ITK: variants seen among roughly 807,000 people sequenced by gnomAD.
The protein encoded by ITK is IL2 inducible T cell kinase.
ITK carries 45 observed loss-of-function variants against 87.6 expected under a neutral mutation model. The ratio of observed to expected loss-of-function variants is 0.51; its 90% confidence interval spans 0.40 to 0.66. ITK has a LOEUF of 0.66. ITK is among the 30% of genes least tolerant of loss of function. ITK has a pLI of 0.00. For missense variants in ITK, 605 were observed against 766.3 expected (o/e 0.79, Z 2.48); for synonymous variants, 303 against 273.6 (o/e 1.11, Z -1.06).
chr5:157,228,227 G>T, intron 6 of ITK, 69 bp from the exon 7 acceptor site: 1 of 944,474 alleles, frequency 1.1e-6, no homozygotes. Flanking sequence ...ACTTTTAATG[G>T]ATTAAACCTA....
At chr5:157,239,408 C>G (rs1423748199) in intron 9 of ITK, among the ~76,000 whole-genome samples, 1 of 152,194 alleles carries the variant, frequency 6.6e-6, no homozygotes, top group African/African-American at 2.4e-5. Context: ...TCATTAGAGA[C>G]TCAGTACCCA....
At chr5:157,202,895 C>T (rs940409495) in intron 1 of ITK, among the ~76,000 whole-genome samples, 9 of 152,158 alleles carry the variant, frequency 5.9e-5, no homozygotes, top group African/African-American at 2.2e-4. Flanking sequence ...GAATTTTTAT[C>T]CCTGTTCACA....
In ITK at chr5:157,253,529, C is replaced by T; in HGVS notation, c.*851C>T. 4.4e-6 allele frequency: 1 copy of T among 226,712 alleles called. No individual in the cohort carries two copies. Among genetic ancestry groups the T allele is most frequent in the South Asian group, 1.8e-4 (1 of 5,466 alleles). 14.0% of individuals were successfully genotyped at this position (226,712 alleles called of 1,614,324 possible). ...CCAAGCTGTGCAGGTGACTATGCCT[C>T]CTCTTCTGCACAGAATGCTTCCACC... On this transcript the variant is annotated 3_prime_UTR_variant, in exon 17 of 17. Transcript: ENST00000422843.
intron 8 of ITK, 123 bp from the exon 9 acceptor site, chr5:157,237,985 GA>G: frequency 1.4e-6 from 1 of 730,972 alleles, no homozygotes; most frequent in Non-Finnish European, 2.5e-6. Flanking sequence ...CATTCTTACT[GA>G]AATCTGCTCT....
chr5:157,235,119 A>T (rs1754751497), intron 8 of ITK, among the ~76,000 whole-genome samples: 1 of 152,212 alleles, frequency 6.6e-6, no homozygotes, highest in South Asian at 2.1e-4. Flanking sequence ...GAATGAATGA[A>T]TGAATACACT....
intron 6 of ITK, among the ~76,000 whole-genome samples, chr5:157,225,715 A>T (rs1754518005): frequency 6.6e-6 from 1 of 152,162 alleles, no homozygotes; most frequent in Non-Finnish European, 1.5e-5. Context: ...TTTCTAGTTG[A>T]TTCATGAAGA....
chr5:157,231,885 T>C (rs925999235), intron 7 of ITK, among the ~76,000 whole-genome samples: 3 of 152,236 alleles, frequency 2.0e-5, no homozygotes, highest in African/African-American at 7.2e-5. Context: ...ACTTTCAAAC[T>C]GGTATTACAA....
At position 157,254,016 on chromosome 5, in the gene ITK, G is replaced by T. The variant is rs1220379651; in HGVS notation, c.*1338G>T. 2 of 225,498 alleles carry T rather than the reference G, an allele frequency of 8.9e-6. No homozygotes were observed. Among genetic ancestry groups the T allele is most frequent in the African/African-American group, 4.5e-5 (2 of 44,874 alleles). The allele number at this position is 225,498 out of a possible 1,614,324, so 14.0% of individuals were successfully genotyped here. On this transcript the variant is annotated 3_prime_UTR_variant, in exon 17 of 17. Transcript: ENST00000422843. ...GAGGCTTTAAAAAGCCAAGACATCT[G>T]CCCAAAGTGATGGAACTAGAAAGTC...
At chr5:157,185,634 C>T (rs931247833) in intron 1 of ITK, among the ~76,000 whole-genome samples, 1 of 151,480 alleles carries the variant, frequency 6.6e-6, no homozygotes, top group African/African-American at 2.4e-5. Context: ...TCACTTGAGC[C>T]CAGGAATTTG....
chr5:157,192,980 T>C (rs892387609), intron 1 of ITK, among the ~76,000 whole-genome samples: 1 of 152,098 alleles, frequency 6.6e-6, no homozygotes, highest in Admixed American at 6.6e-5. Flanking sequence ...CTTTGAGAGG[T>C]TGGCATTACA....
In ITK at chr5:157,241,675, T is replaced by G; in HGVS notation, c.1015T>G (p.Cys339Gly). The change falls in exon 11 of 17, where the codon TGT (cysteine) becomes GGT (glycine). Residue 339 changes from cysteine to glycine, a missense_variant. By Grantham distance (159) the Cys-to-Gly change is radical (BLOSUM62 -3). Coordinates refer to ENST00000422843, the MANE Select transcript of ITK (RefSeq NM_005546.4). ...GGTGACTCGACTCCGGTATCCAGTT[T>G]GTTTTGGGAGGCAGAAAGCCCCAGT... ...GLVTRLRYPVCFGRQKAPVTA... is the reference protein window; with the variant it reads ...GLVTRLRYPVGFGRQKAPVTA... 6.2e-7 allele frequency: 1 copy of G among 1,614,042 alleles called. No individual in the cohort carries two copies. Among genetic ancestry groups the G allele is most frequent in the Non-Finnish European group, 8.5e-7 (1 of 1,179,950 alleles).
chr5:157,217,185 G>C (rs1381466251), intron 4 of ITK, among the ~76,000 whole-genome samples: 7 of 152,010 alleles, frequency 4.6e-5, no homozygotes, highest in Admixed American at 4.6e-4. Flanking sequence ...TGAGAGGAAG[G>C]AGAGAGAGAA....
In ITK at chr5:157,238,200, C is replaced by A; in HGVS notation, c.851+9C>A. ...ACCAAGGCTGTTGTAAGGTATGGAG[C>A]TAACTCTGCTCAGCAAAGTGGAGAG... On this transcript the variant is annotated intron_variant, in intron 9 of 16. Coordinates refer to ENST00000422843, the MANE Select transcript of ITK (RefSeq NM_005546.4). 9 of 1,602,570 alleles carry A rather than the reference C, an allele frequency of 5.6e-6. No homozygotes were observed. Among genetic ancestry groups the A allele is most frequent in the Non-Finnish European group, 6.8e-6 (8 of 1,169,490 alleles).
In ITK at chr5:157,254,849, C is replaced by T. The variant is rs755449028; in HGVS notation, c.*2171C>T. On this transcript the variant is annotated 3_prime_UTR_variant, in exon 17 of 17. Coordinates refer to ENST00000422843, the MANE Select transcript of ITK (RefSeq NM_005546.4). The stretch of plus-strand genomic sequence containing the variant: ...CAGATTCATCTAATCCTCAACTGTA[C>T]ATGTGTACATTCTTCACCTCCTGGT... 3 of 216,548 alleles carry T rather than the reference C, an allele frequency of 1.4e-5. No individual in the cohort carries two copies. The highest frequency in any genetic ancestry group is 2.8e-5 in the Non-Finnish European group (3 of 107,568). The allele number at this position is 216,548 out of a possible 1,614,324, so 13.4% of individuals were successfully genotyped here.
At position 157,187,001 on chromosome 5, in the gene ITK, A is replaced by T. The variant is rs562977016; in HGVS notation, c.138+5886A>T. On this transcript the variant is annotated intron_variant, in intron 1 of 16. Coordinates refer to ENST00000422843, the MANE Select transcript of ITK (RefSeq NM_005546.4). ...GATGGACACCAGCAGAATCTAACACATGGTCTCGTCTGTCTCAGCTCATGT... is the reference window on the plus strand; with the variant it reads ...GATGGACACCAGCAGAATCTAACACTTGGTCTCGTCTGTCTCAGCTCATGT... Among the ~76,000 whole-genome samples, 6 of 152,126 alleles carry T rather than the reference A, an allele frequency of 3.9e-5. No homozygotes were observed. In the South Asian group the frequency reaches 1.2e-3, roughly 31 times the overall value.
At chr5:157,192,553 T>C (rs1753773510) in intron 1 of ITK, among the ~76,000 whole-genome samples, 7 of 152,266 alleles carry the variant, frequency 4.6e-5, no homozygotes, top group Admixed American at 3.3e-4. Flanking sequence ...AATTCTTTAC[T>C]CTCTCTGGGA....
rs909127502 is a variant in ITK, at chr5:157,181,049, G to A, written c.72G>A (p.Ser24=). 1.1e-5 allele frequency: 18 copies of A among 1,613,854 alleles called. No homozygotes were observed. The highest frequency in any genetic ancestry group is 1.4e-5 in the Non-Finnish European group (17 of 1,179,886). Residue 24 remains serine, a synonymous_variant, in exon 1 of 17, where the codon TCG becomes TCA. Transcript: ENST00000422843. Reference sequence around the variant, plus strand: ...AACAAAAGAGAAGAACTTCTCCCTCGAACTTTAAAGTCCGCTTCTTTGTGT... The same window carrying A: ...AACAAAAGAGAAGAACTTCTCCCTCAAACTTTAAAGTCCGCTTCTTTGTGT... ...KSQQKRRTSP[S]NFKVRFFVLT...
rs776133636 is a variant in ITK at position 157,249,363 on chromosome 5, T to TG, written c.1791+360dup. ...AGCACAGGAAGTTAGTTCTATAACT[T>TG]GGGGAACAAAGTTCACTTGCACTAT... On this transcript the variant is annotated intron_variant, in intron 16 of 16. Coordinates refer to ENST00000422843, the MANE Select transcript of ITK (RefSeq NM_005546.4). 1.0e-3 allele frequency among the ~76,000 whole-genome samples: 155 copies of TG among 152,346 alleles called. 1 individual carries two copies. The highest frequency in any genetic ancestry group is 1.8e-3 in the Non-Finnish European group (123 of 68,034).
chr5:157,235,563 A>G lies in ITK; in HGVS notation c.769-2546A>G, dbSNP rs3756624. On this transcript the variant is annotated intron_variant, in intron 8 of 16. Transcript: ENST00000422843. ...TTCCTTGCAAGTGGGTAACTCTCTT[A>G]GAACACCTTACAACATCTCACACAT... is the stretch of plus-strand genomic sequence containing the variant. Among the ~76,000 whole-genome samples the G allele has an allele frequency of 1.5e-3, 226 of 152,324 alleles. 7 individuals carry two copies. The East Asian group carries it at 0.043, about 29-fold the overall frequency.
Sources: gnomAD v4.1 joint callset for allele counts (sites outside exome capture counted in the v4.1 genomes callset) on GRCh38, gnomAD v4.1.1 for gene constraint, MANE v1.5 for transcripts, NCBI Gene and HGNC (gene_info 2026-07-23, HGNC 2026-07-21) for gene names.